ATP8A2: variants seen among roughly 807,000 people sequenced by gnomAD.
ATP8A2 encodes ATPase phospholipid transporting 8A2.
In ATP8A2, 100 loss-of-function variants were observed where a neutral mutation model predicts 165.6. That is an observed-to-expected ratio of 0.60 (90% CI 0.51 to 0.71). The LOEUF is 0.71. Ranked by LOEUF, ATP8A2 falls within the 30% of genes least tolerant of loss-of-function variation. ATP8A2 has a pLI of 0.00. For synonymous variants in ATP8A2, 543 were observed against 548.8 expected, an observed-to-expected ratio of 0.99 and a Z score of 0.15; for missense variants, 1,227 against 1,479.5, an observed-to-expected ratio of 0.83 and a Z score of 2.80.
chr13:25,515,423 C>G (rs1239998508), intron 2 of ATP8A2, among the ~76,000 whole-genome samples: 1 of 152,278 alleles, frequency 6.6e-6, no homozygotes, highest in African/African-American at 2.4e-5. Context: ...ATTTGTGAAG[C>G]TAGAGCCCGT....
chr13:25,514,762 C>T (rs2037411259), intron 2 of ATP8A2, among the ~76,000 whole-genome samples: 1 of 152,180 alleles, frequency 6.6e-6, no homozygotes, highest in African/African-American at 2.4e-5. Flanking sequence ...ATGCTTGCCA[C>T]AGACCCTTTT....
At chr13:25,735,667 C>T (rs765778626) in intron 25 of ATP8A2, among the ~76,000 whole-genome samples, 4 of 152,094 alleles carry the variant, frequency 2.6e-5, no homozygotes, top group African/African-American at 4.8e-5. Flanking sequence ...TTTGTATAGT[C>T]GTGCACCATA....
At chr13:25,774,081 A>G (rs577929618) in intron 26 of ATP8A2, among the ~76,000 whole-genome samples, 1 of 152,272 alleles carries the variant, frequency 6.6e-6, no homozygotes, top group South Asian at 2.1e-4. Context: ...CTTTTCTTTC[A>G]GTTTAGTAGC....
At chr13:25,786,696 A>T (rs2045034859) in intron 27 of ATP8A2, among the ~76,000 whole-genome samples, 1 of 151,892 alleles carries the variant, frequency 6.6e-6, no homozygotes, top group African/African-American at 2.4e-5. Flanking sequence ...TTTATTTTTT[A>T]AAAATAAGGT....
intron 8 of ATP8A2, 103 bp downstream of exon 8, chr13:25,540,491 G>A (rs1418323970): frequency 3.5e-6 from 3 of 850,446 alleles, no homozygotes; most frequent in East Asian, 5.1e-5. Flanking sequence ...GCCACAAAGG[G>A]TTATGCCTTA....
chr13:25,543,080 T>C (rs1023021631), intron 9 of ATP8A2, among the ~76,000 whole-genome samples: 2 of 152,200 alleles, frequency 1.3e-5, no homozygotes, highest in Admixed American at 1.3e-4. Context: ...GCATTTTTTT[T>C]CTGTAGTGAT....
intron 13 of ATP8A2, 97 bp from the exon 14 acceptor site, chr13:25,558,876 C>A: frequency 1.3e-6 from 1 of 782,374 alleles, no homozygotes; most frequent in South Asian, 2.0e-5. Flanking sequence ...CTACCCGTTT[C>A]ATACAGGTTT....
At chr13:25,704,596 A>G (rs1017496747) in intron 25 of ATP8A2, among the ~76,000 whole-genome samples, 5 of 152,058 alleles carry the variant, frequency 3.3e-5, no homozygotes, top group African/African-American at 1.2e-4. Flanking sequence ...TCCTCCTCCC[A>G]AAGTGCTGAG....
At chr13:25,574,290 G>T (rs1593563509) in intron 18 of ATP8A2, among the ~76,000 whole-genome samples, 1 of 152,136 alleles carries the variant, frequency 6.6e-6, no homozygotes, top group African/African-American at 2.4e-5. Flanking sequence ...AATTCCAAAA[G>T]ATTTTTCCTA....
At chr13:25,843,143 G>C (rs1331642639) in intron 30 of ATP8A2, among the ~76,000 whole-genome samples, 1 of 152,186 alleles carries the variant, frequency 6.6e-6, no homozygotes, top group East Asian at 1.9e-4. Context: ...AAGAGGAGTA[G>C]GGGGTGGTCA....
intron 24 of ATP8A2, among the ~76,000 whole-genome samples, chr13:25,678,210 T>G (rs1260284233): frequency 6.6e-6 from 1 of 152,130 alleles, no homozygotes; most frequent in Non-Finnish European, 1.5e-5. Flanking sequence ...TTGTTGCCTC[T>G]GTGGGGAAAG....
At chr13:25,509,736 G>A (rs1279451801) in intron 2 of ATP8A2, among the ~76,000 whole-genome samples, 2 of 151,994 alleles carry the variant, frequency 1.3e-5, no homozygotes, top group African/African-American at 4.8e-5. Context: ...TGTGATTTCT[G>A]GGTAAACTAA....
Position 26,012,590 on chromosome 13 carries a change from TC to T in ATP8A2, c.3439del (p.Arg1147GlyfsTer45). 2.0e-6 allele frequency: 3 copies of T among 1,523,360 alleles called. No homozygotes were observed. The South Asian group carries it at 3.8e-5, about 19-fold the overall frequency. The allele number at this position is 1,523,360 out of a possible 1,614,324, so 94.4% of individuals were successfully genotyped here. A position where few individuals can be genotyped will look rare whatever the true frequency, so the allele number is the denominator to read the frequency against. The stretch of plus-strand genomic sequence containing the variant: ...GGCCGGAAGACGCCCCCGACGCTGT[TC>T]CGGGGCAGCTCCCTGCAGCAGGGCG... Reference protein sequence around the residue: ...RLGRKTPPTLFRGSSLQQGVP... With the variant: ...RLGRKTPPTLXRGSSLQQGVP... On this transcript the variant is annotated frameshift_variant, in exon 36 of 37. Transcript: ENST00000381655. LOFTEE classifies it low-confidence loss of function (END_TRUNC).
intron 24 of ATP8A2, chr13:25,648,988 T>C (rs1303696854): frequency 2.0e-6 from 1 of 498,896 alleles, no homozygotes; most frequent in Non-Finnish European, 4.0e-6. Context: ...TTTTTTGTCA[T>C]CATTTTATTG....
intron 35 of ATP8A2, among the ~76,000 whole-genome samples, chr13:25,972,704 CT>C (rs147402620): frequency 6.6e-6 from 1 of 152,114 alleles, no homozygotes; most frequent in African/African-American, 2.4e-5. Flanking sequence ...GAAGAAAATT[CT>C]TTGTTTTTTA....
At chr13:25,892,478 G>GTCTCTCTCTCTCTCTCTC (rs144283908) in intron 33 of ATP8A2, among the ~76,000 whole-genome samples, 1,677 of 136,168 alleles carry the variant, frequency 0.012, 65 homozygotes, top group Middle Eastern at 0.026. Context: ...CTGTCTCTCT[G>GTCTCTCTCTCTCTCTCTC]TCTCTCTCTC....
At chr13:25,634,129 A>C (rs1186149036) in intron 24 of ATP8A2, among the ~76,000 whole-genome samples, 2 of 152,202 alleles carry the variant, frequency 1.3e-5, no homozygotes, top group African/African-American at 4.8e-5. Context: ...AAATGTATGA[A>C]TTTAAAGCGG....
chr13:25,921,629 A>G (rs2139033692), intron 33 of ATP8A2, among the ~76,000 whole-genome samples: 1 of 152,110 alleles, frequency 6.6e-6, no homozygotes, highest in Admixed American at 6.5e-5. Flanking sequence ...CTCAAAAAAA[A>G]AAAAAAAAAG....
intron 25 of ATP8A2, among the ~76,000 whole-genome samples, chr13:25,757,754 C>T (rs2044294593): frequency 6.6e-6 from 1 of 152,052 alleles, no homozygotes; most frequent in African/African-American, 2.4e-5. Flanking sequence ...TGTTCCTGAC[C>T]CCCAAACCCC....
Sources: allele counts gnomAD v4.1 joint callset (sites outside exome capture counted in the v4.1 genomes callset), GRCh38; gene constraint gnomAD v4.1.1; transcripts MANE v1.5; gene names NCBI Gene and HGNC (gene_info 2026-07-23, HGNC 2026-07-21).